Variants in PHLDB1 observed in about 807,000 individuals in gnomAD.
PHLDB1 encodes the protein pleckstrin homology like domain family B member 1, also known as pleckstrin homology-like domain family B member 1.
A neutral mutation model predicts 139.3 loss-of-function variants in PHLDB1; 65 were observed. That is an observed-to-expected ratio of 0.47 (90% CI 0.38 to 0.57). The LOEUF is 0.57. Among genes scored for constraint, PHLDB1 ranks in the 20% least tolerant of loss-of-function variants. The probability of loss-of-function intolerance (pLI) is 0.00; values close to 1 mark genes in which losing one functional copy is unlikely to be tolerated. For synonymous variants in PHLDB1, 679 were observed against 734.5 expected (o/e 0.92, Z 1.22); for missense variants, 1,624 against 1,839.7 (o/e 0.88, Z 2.14).
intron 12 of PHLDB1, chr11:118,641,005 G>A (rs1296221958): frequency 1.3e-5 from 2 of 152,552 alleles, no homozygotes; most frequent in African/African-American, 4.8e-5. Context: ...CTTGGATTTT[G>A]TATTGACATG....
At chr11:118,643,757 A>C (rs782320459) in intron 13 of PHLDB1, 43 bp from the exon 14 acceptor site, 1 of 1,613,800 alleles carries the variant, frequency 6.2e-7, no homozygotes, top group Admixed American at 1.7e-5. Flanking sequence ...GAGGTGGCCA[A>C]TGGGGGAGCC....
chr11:118,630,039 T>C (rs1224655606), intron 6 of PHLDB1: 1 of 1,286,770 alleles, frequency 7.8e-7, no homozygotes, highest in Non-Finnish European at 1.0e-6. Flanking sequence ...TTTTTTTTTT[T>C]TTTTTTTGCC....
At chr11:118,613,447 T>A (rs1940906201) in intron 1 of PHLDB1, 2 of 995,974 alleles carry the variant, frequency 2.0e-6, no homozygotes, top group Non-Finnish European at 2.4e-6. Context: ...CTTCTCCCAC[T>A]AAGGTAGATT....
intron 20 of PHLDB1, chr11:118,653,319 ACCC>A (rs1948596624): frequency 6.7e-6 from 1 of 149,706 alleles, no homozygotes. Context: ...CTCGATAGAA[ACCC>A]CCTCATTGCA....
At chr11:118,612,028 A>G (rs1940509701) in intron 1 of PHLDB1, among the ~76,000 whole-genome samples, 1 of 151,896 alleles carries the variant, frequency 6.6e-6, no homozygotes, top group South Asian at 2.1e-4. Flanking sequence ...CCATGCAATC[A>G]TCACAATTTA....
intron 4 of PHLDB1, among the ~76,000 whole-genome samples, chr11:118,617,711 G>A (rs886407966): frequency 5.3e-5 from 8 of 151,958 alleles, no homozygotes; most frequent in Admixed American, 6.6e-5. Context: ...AGGGAGGCAG[G>A]TCCACCAGCA....
intron 1 of PHLDB1, chr11:118,613,455 ATT>A: frequency 1.0e-6 from 1 of 996,106 alleles, no homozygotes; most frequent in Non-Finnish European, 1.2e-6. Flanking sequence ...ACTAAGGTAG[ATT>A]TTCCCCACCC....
At chr11:118,655,010 G>A (rs181182422) in intron 20 of PHLDB1, 4 of 152,418 alleles carry the variant, frequency 2.6e-5, no homozygotes, top group Admixed American at 1.3e-4. Flanking sequence ...GAGCCACCAT[G>A]CCTGGCCTAT....
Position 118,632,378 on chromosome 11 carries a change from C to T in PHLDB1, c.2379+82C>T. On this transcript the variant is annotated intron_variant, in intron 9 of 22. Coordinates refer to ENST00000600882, the MANE Select transcript of PHLDB1 (RefSeq NM_001144758.3). This position sits in a 1 kb window ranked among gnomAD's most constrained non-coding sequence, Gnocchi z 5.9. ...GAAATGTCTTCTCTGGGGCCCTGTACCCTTCACCTCATCATCCATTCTGCA... is the reference window on the plus strand; with the variant it reads ...GAAATGTCTTCTCTGGGGCCCTGTATCCTTCACCTCATCATCCATTCTGCA... 2 of 1,359,900 alleles carry T rather than the reference C, an allele frequency of 1.5e-6. No individual in the cohort carries two copies. Among genetic ancestry groups the T allele is most frequent in the Non-Finnish European group, 2.1e-6 (2 of 965,144 alleles). The allele number at this position is 1,359,900 out of a possible 1,614,324, so 84.2% of individuals were successfully genotyped here. A position where few individuals can be genotyped will look rare whatever the true frequency, so the allele number is the denominator to read the frequency against.
rs1555099646 is a variant in PHLDB1, at chr11:118,624,971, C to T, written c.393C>T (p.Arg131=). 1.2e-6 allele frequency: 2 copies of T among 1,614,104 alleles called. No individual in the cohort carries two copies. The highest frequency in any genetic ancestry group is 2.2e-5 in the South Asian group (2 of 91,082). Reference sequence around the variant, plus strand: ...GCCTGGGTCAGTCCACCTTCCTTCGCTTTAACCACCCGGCTGAAGCCAAGT... The same window carrying T: ...GCCTGGGTCAGTCCACCTTCCTTCGTTTTAACCACCCGGCTGAAGCCAAGT... ...MLCLGQSTFL[R]FNHPAEAKWM... is the part of the protein sequence containing the mutation. Residue 131 remains arginine (R), a synonymous_variant, in exon 5 of 23, where the codon CGC becomes CGT. Coordinates refer to ENST00000600882, the MANE Select transcript of PHLDB1 (RefSeq NM_001144758.3).
Position 118,610,578 on chromosome 11 carries a change from G to T in PHLDB1, c.-22+2879G>T, listed in dbSNP as rs1175276761. ...CGGGGAGCGCCCGAGCAGTGGCCCC[G>T]CGAAGGGCCGGGTCTGGTGCTCTGG... On this transcript the variant is annotated intron_variant, in intron 1 of 22. Coordinates refer to ENST00000600882, the MANE Select transcript of PHLDB1 (RefSeq NM_001144758.3). This position sits in a 1 kb window ranked among gnomAD's most constrained non-coding sequence, Gnocchi z 8.7. The T allele has an allele frequency of 4.6e-6, 3 of 650,598 alleles. No homozygotes were observed. The highest frequency in any genetic ancestry group is 5.7e-6 in the Non-Finnish European group (3 of 523,586). The allele number at this position is 650,598 out of a possible 1,614,324, so 40.3% of individuals were successfully genotyped here. A position where few individuals can be genotyped will look rare whatever the true frequency, so the allele number is the denominator to read the frequency against.
intron 3 of PHLDB1, chr11:118,614,965 G>A: frequency 5.8e-6 from 2 of 344,242 alleles, no homozygotes; most frequent in Non-Finnish European, 1.1e-5. Context: ...GGGAGGCTGA[G>A]GCAGGCGGAT....
chr11:118,628,052 C>A lies in PHLDB1; in HGVS notation c.1229C>A (p.Pro410Gln), dbSNP rs1456745652. Residue 410 changes from proline to glutamine, a missense_variant, in exon 6 of 23, where the codon CCA becomes CAA. Transcript: ENST00000600882. Reference sequence around the variant, plus strand: ...CCTCCCAGCCCTTTCCGTGAGCCTCCAGGCAGTGAGCGGGTGCTAACAACC... The same window carrying A: ...CCTCCCAGCCCTTTCCGTGAGCCTCAAGGCAGTGAGCGGGTGCTAACAACC... ...DRPPSPFREPPGSERVLTTSP... is the reference protein window; with the variant it reads ...DRPPSPFREPQGSERVLTTSP... 1 of 1,614,014 alleles carries A rather than the reference C, an allele frequency of 6.2e-7. No individual in the cohort carries two copies.
In PHLDB1 at chr11:118,616,069, A is replaced by G. The variant is rs781888798; in HGVS notation, c.213A>G (p.Arg71=). 2 of 1,613,878 alleles carry G rather than the reference A, an allele frequency of 1.2e-6. No individual in the cohort carries two copies. Among genetic ancestry groups the G allele is most frequent in the Non-Finnish European group, 1.7e-6 (2 of 1,179,842 alleles). ...GGACGGTGATTGGCTCTGCAGCCAG[A>G]GACATCTCACTACAGGGCCCAGGCC... ...EGRTVIGSAA[R]DISLQGPGLA... Residue 71 remains arginine, a synonymous_variant, in exon 4 of 23, where the codon AGA becomes AGG. Transcript: ENST00000600882.
chr11:118,633,254 C>T (rs556522605), intron 9 of PHLDB1: 1 of 152,362 alleles, frequency 6.6e-6, no homozygotes, highest in South Asian at 2.1e-4. Context: ...GTGTGGGACC[C>T]CAGAGTTTTT....
At chr11:118,633,807 G>A (rs1016800232) in intron 9 of PHLDB1, 1 of 152,312 alleles carries the variant, frequency 6.6e-6, no homozygotes, top group Non-Finnish European at 1.5e-5. Context: ...GTTGGGTAGA[G>A]GGATGGGAGT....
chr11:118,615,911 G>A, intron 3 of PHLDB1, 130 bp from the exon 4 acceptor site: 1 of 717,572 alleles, frequency 1.4e-6, no homozygotes, highest in Admixed American at 2.5e-5. Flanking sequence ...TAGTAGGGGT[G>A]GCCAGTGGTG....
chr11:118,645,560 A>G lies in PHLDB1; in HGVS notation c.3326A>G (p.Tyr1109Cys), dbSNP rs1001669918. 1.9e-6 allele frequency: 3 copies of G among 1,613,586 alleles called. No homozygotes were observed. The highest frequency in any genetic ancestry group is 8.5e-7 in the Non-Finnish European group (1 of 1,179,832). Residue 1109 changes from tyrosine to cysteine, a missense_variant, in exon 16 of 23, where the codon TAT becomes TGT. Physicochemically the swap from Tyr to Cys is radical, Grantham distance 194. Coordinates refer to ENST00000600882, the MANE Select transcript of PHLDB1 (RefSeq NM_001144758.3). The surrounding 1 kb of genome is among the most constrained non-coding windows in gnomAD (Gnocchi z 5.1). Reference protein sequence around the residue: ...RERGEEGEHAYDTLSLESSDS... With the variant: ...RERGEEGEHACDTLSLESSDS... Reference sequence around the variant, plus strand: ...CGTGGGGAGGAGGGTGAGCACGCCTATGATACGCTGAGTCTGGAGAGCTCT... The same window carrying G: ...CGTGGGGAGGAGGGTGAGCACGCCTGTGATACGCTGAGTCTGGAGAGCTCT...
chr11:118,634,947 C>G (rs782614516), intron 9 of PHLDB1: 2 of 454,920 alleles, frequency 4.4e-6, no homozygotes, highest in Non-Finnish European at 8.8e-6. Flanking sequence ...GGCCGCGGGA[C>G]GGAGGCACCT....
Sources: allele counts gnomAD v4.1 joint callset (sites outside exome capture counted in the v4.1 genomes callset), GRCh38; gene constraint gnomAD v4.1.1; non-coding constraint Gnocchi (gnomAD v3.1); transcripts MANE v1.5; gene names NCBI Gene and HGNC (gene_info 2026-07-23, HGNC 2026-07-21).